Variants in CNTNAP2 observed in about 807,000 individuals in gnomAD.
The protein encoded by CNTNAP2 is contactin associated protein 2, also known as contactin-associated protein-like 2.
CNTNAP2 carries 98 observed loss-of-function variants against 155.2 expected under a neutral mutation model. That is an observed-to-expected ratio of 0.63 (90% CI 0.54 to 0.75). The LOEUF is 0.75. CNTNAP2 is among the 30% of genes least tolerant of loss of function. The pLI is 0.00. For missense variants in CNTNAP2, 1,727 were observed against 1,688.1 expected (o/e 1.02, Z -0.40); for synonymous variants, 651 against 631.2 (o/e 1.03, Z -0.47).
At position 146,464,185 on chromosome 7, in the gene CNTNAP2, C is replaced by CT. The variant is rs1554437059; in HGVS notation, c.98-310085dup. On this transcript the variant is annotated intron_variant, in intron 1 of 23. Transcript: ENST00000361727. ...TTTGCTCAATGTCTTTCCTTTGAAA[C>CT]TGTTTTTTTTTTTTTTTTTTTGGCT... Among the ~76,000 whole-genome samples, 261 of 90,630 alleles carry CT rather than the reference C, an allele frequency of 2.9e-3. 1 individual carries two copies. Among genetic ancestry groups the CT allele is most frequent in the Middle Eastern group, 6.0e-3 (1 of 166 alleles). 59.5% of individuals were successfully genotyped at this position (90,630 alleles called of 152,430 possible).
chr7:146,388,707 T>C (rs1295772274), intron 1 of CNTNAP2, among the ~76,000 whole-genome samples: 2 of 152,194 alleles, frequency 1.3e-5, no homozygotes, highest in African/African-American at 2.4e-5. Flanking sequence ...TTATTCATTC[T>C]TCCTATTATT....
intron 8 of CNTNAP2, among the ~76,000 whole-genome samples, chr7:147,232,351 G>A (rs542748276): frequency 3.3e-5 from 5 of 152,288 alleles, no homozygotes; most frequent in Admixed American, 1.3e-4. Flanking sequence ...CAATCCTAAA[G>A]TTTTAATGAA....
intron 3 of CNTNAP2, among the ~76,000 whole-genome samples, chr7:146,841,489 A>G (rs1803722892): frequency 6.6e-6 from 1 of 152,150 alleles, no homozygotes; most frequent in Non-Finnish European, 1.5e-5. Flanking sequence ...CAGAGCACTC[A>G]TTATTTTCTA....
At chr7:147,774,088 T>C (rs1342060101) in intron 13 of CNTNAP2, among the ~76,000 whole-genome samples, 2 of 152,148 alleles carry the variant, frequency 1.3e-5, no homozygotes, top group Non-Finnish European at 2.9e-5. Context: ...CATCTAAAAT[T>C]TCGACTCCTC....
intron 1 of CNTNAP2, among the ~76,000 whole-genome samples, chr7:146,215,198 T>C (rs1206200921): frequency 6.6e-6 from 1 of 152,224 alleles, no homozygotes; most frequent in African/African-American, 2.4e-5. Context: ...GTGAAACTAA[T>C]ACATAACTCT....
intron 19 of CNTNAP2, among the ~76,000 whole-genome samples, chr7:148,221,073 G>T (rs1585197206): frequency 6.6e-6 from 1 of 151,944 alleles, no homozygotes; most frequent in South Asian, 2.1e-4. Context: ...TACCTCACAT[G>T]CCCACTGCTA....
rs367603899 is a variant in CNTNAP2, at chr7:148,338,829, AAGG to A, written c.3476-44814_3476-44812del. 2.2e-4 allele frequency among the ~76,000 whole-genome samples: 34 copies of A among 152,278 alleles called. 1 individual carries two copies. Among genetic ancestry groups the A allele is most frequent in the Middle Eastern group, 6.8e-3 (2 of 294 alleles). ...GAGGGAGTGAGAGAAGAAGACGGAG[AAGG>A]AGGAGAAGGGGAAGAGAAAGGGGAG... On this transcript the variant is annotated intron_variant, in intron 21 of 23. Coordinates refer to ENST00000361727, the MANE Select transcript of CNTNAP2 (RefSeq NM_014141.6).
intron 1 of CNTNAP2, among the ~76,000 whole-genome samples, chr7:146,359,929 G>A (rs1023668381): frequency 1.3e-5 from 2 of 152,116 alleles, no homozygotes; most frequent in African/African-American, 4.8e-5. Context: ...AAGTATTGTG[G>A]TCTGACTGAT....
At chr7:147,462,895 C>G (rs540152854) in intron 10 of CNTNAP2, among the ~76,000 whole-genome samples, 5 of 152,150 alleles carry the variant, frequency 3.3e-5, no homozygotes, top group Non-Finnish European at 7.4e-5. Flanking sequence ...ATACTATATT[C>G]TAACAAGTGT....
intron 3 of CNTNAP2, among the ~76,000 whole-genome samples, chr7:147,042,638 A>G (rs933955462): frequency 2.6e-5 from 4 of 152,172 alleles, no homozygotes; most frequent in African/African-American, 9.7e-5. Flanking sequence ...TTAAAAGACA[A>G]AACTCCTGGT....
intron 3 of CNTNAP2, among the ~76,000 whole-genome samples, chr7:146,938,772 C>G (rs183726383): frequency 3.3e-5 from 5 of 151,970 alleles, no homozygotes; most frequent in Admixed American, 2.0e-4. Context: ...CAAAAAATTA[C>G]GCATTTCATT....
chr7:146,683,534 G>A (rs903350), intron 1 of CNTNAP2, among the ~76,000 whole-genome samples: 2 of 152,130 alleles, frequency 1.3e-5, no homozygotes, highest in Non-Finnish European at 2.9e-5. Context: ...GAAATTCTGT[G>A]TGTCATACCG....
chr7:148,386,267 C>T (rs1326701532), intron 22 of CNTNAP2, among the ~76,000 whole-genome samples: 2 of 152,116 alleles, frequency 1.3e-5, no homozygotes, highest in Admixed American at 1.3e-4. Flanking sequence ...CGGTGGCTCA[C>T]ATCTGTAATC....
At chr7:147,684,967 G>A (rs1227274007) in intron 13 of CNTNAP2, among the ~76,000 whole-genome samples, 2 of 151,698 alleles carry the variant, frequency 1.3e-5, no homozygotes, top group Non-Finnish European at 2.9e-5. Context: ...TTTACAGATG[G>A]GTAGATCACT....
At chr7:147,021,510 C>G (rs1798816780) in intron 3 of CNTNAP2, among the ~76,000 whole-genome samples, 2 of 152,138 alleles carry the variant, frequency 1.3e-5, no homozygotes, top group Admixed American at 1.3e-4. Flanking sequence ...TTCCCCTTAG[C>G]ATGAATATTT....
In CNTNAP2 at chr7:146,744,227, C is replaced by CAA. The variant is rs60606492; in HGVS notation, c.98-30021_98-30020dup. Among the ~76,000 whole-genome samples, 314 of 47,424 alleles carry CAA rather than the reference C, an allele frequency of 6.6e-3. 1 individual carries two copies. Among genetic ancestry groups the CAA allele is most frequent in the Non-Finnish European group, 9.1e-3 (217 of 23,948 alleles). 31.1% of individuals were successfully genotyped at this position (47,424 alleles called of 152,430 possible). A position where few individuals can be genotyped will look rare whatever the true frequency, so the allele number is the denominator to read the frequency against. On this transcript the variant is annotated intron_variant, in intron 1 of 23. Coordinates refer to ENST00000361727, the MANE Select transcript of CNTNAP2 (RefSeq NM_014141.6). ...TGGGTGACAAAGTGACACTCTGTCT[C>CAA]AAAAAAAAAAAAAAAAAAAAAAAAG...
chr7:146,486,094 T>A (rs1191716028), intron 1 of CNTNAP2, among the ~76,000 whole-genome samples: 1 of 124,596 alleles, frequency 8.0e-6, no homozygotes, highest in African/African-American at 3.1e-5. Context: ...AGACAGAGTT[T>A]CGCTGTGTCG....
chr7:148,180,560 C>A (rs994733776), intron 18 of CNTNAP2, among the ~76,000 whole-genome samples: 1 of 151,614 alleles, frequency 6.6e-6, no homozygotes, highest in Non-Finnish European at 1.5e-5. Context: ...AAAAAAAAAA[C>A]AAATTGAATA....
At chr7:148,328,085 T>G (rs545876259) in intron 21 of CNTNAP2, among the ~76,000 whole-genome samples, 15 of 152,178 alleles carry the variant, frequency 9.9e-5, no homozygotes, top group Non-Finnish European at 1.5e-4. Context: ...AAGGCACAAG[T>G]GTGGAAATAA....
Sources: allele counts gnomAD v4.1 joint callset (sites outside exome capture counted in the v4.1 genomes callset), GRCh38; gene constraint gnomAD v4.1.1; transcripts MANE v1.5; gene names NCBI Gene and HGNC (gene_info 2026-07-23, HGNC 2026-07-21).